Variants in GLIS3 observed in about 807,000 individuals in gnomAD.
GLIS3 encodes the protein GLIS family zinc finger 3, also known as zinc finger protein GLIS3.
In GLIS3, 53 loss-of-function variants were observed where a neutral mutation model predicts 78.6. The observed-to-expected ratio is 0.67, with a 90% CI of 0.54 to 0.85. The LOEUF (loss-of-function observed/expected upper bound fraction) is 0.85. Among genes scored for constraint, GLIS3 ranks in the 40% least tolerant of loss-of-function variants. GLIS3 has a pLI of 0.00. For synonymous variants in GLIS3, 684 were observed against 509.9 expected, an observed-to-expected ratio of 1.34 and a Z score of -4.60; for missense variants, 1,703 against 1,231.1, an observed-to-expected ratio of 1.38 and a Z score of -5.74.
At chr9:4,093,791 A>ATG (rs1156649430) in intron 4 of GLIS3, among the ~76,000 whole-genome samples, 1 of 152,112 alleles carries the variant, frequency 6.6e-6, no homozygotes, top group Non-Finnish European at 1.5e-5. Context: ...CTATATATAT[A>ATG]TTTTTAAATT....
intron 4 of GLIS3, among the ~76,000 whole-genome samples, chr9:3,937,784 T>A (rs1825977931): frequency 6.6e-6 from 1 of 152,196 alleles, no homozygotes; most frequent in African/African-American, 2.4e-5. Context: ...CCAAGGCTAA[T>A]GAGATAAAGT....
rs754093115 is a variant in GLIS3 at position 3,932,515 on chromosome 9, AG to A, written c.1873-46del. 3.5e-6 allele frequency: 5 copies of A among 1,411,548 alleles called. No homozygotes were observed. In the African/African-American group the frequency reaches 7.0e-5, roughly 20 times the overall value. The allele number at this position is 1,411,548 out of a possible 1,614,324, so 87.4% of individuals were successfully genotyped here. A position where few individuals can be genotyped will look rare whatever the true frequency, so the allele number is the denominator to read the frequency against. On this transcript the variant is annotated intron_variant, in intron 5 of 10. Coordinates refer to ENST00000381971, the MANE Select transcript of GLIS3 (RefSeq NM_001042413.2). ...AGAAACAGCTGTGGTTAAATCATAA[AG>A]GTAATTGGGGAATGTTTTACTCAAA... is the stretch of plus-strand genomic sequence containing the variant.
chr9:4,452,490 T>G, the GLIS3 span, among the ~76,000 whole-genome samples: 1 of 152,112 alleles, frequency 6.6e-6, no homozygotes, highest in African/African-American at 2.4e-5. Flanking sequence ...GGATACAAAC[T>G]CAATGTGCAG....
At chr9:4,239,826 A>G (rs1823123099) in intron 2 of GLIS3, among the ~76,000 whole-genome samples, 5 of 152,238 alleles carry the variant, frequency 3.3e-5, no homozygotes, top group Non-Finnish European at 7.3e-5. Context: ...GATTTGTATC[A>G]TCTACCACGG....
chr9:4,158,705 TAAGAC>T (rs1586835720), intron 2 of GLIS3, among the ~76,000 whole-genome samples: 1 of 152,304 alleles, frequency 6.6e-6, no homozygotes, highest in East Asian at 1.9e-4. Context: ...CAATGGTAAA[TAAGAC>T]AAGTAACATT....
chr9:4,466,274 C>A, the GLIS3 span, among the ~76,000 whole-genome samples: 4 of 152,180 alleles, frequency 2.6e-5, no homozygotes, highest in African/African-American at 9.7e-5. Flanking sequence ...AAAACTCGAA[C>A]TGCCCAATAC....
chr9:3,984,232 C>T (rs1228633567), intron 4 of GLIS3, among the ~76,000 whole-genome samples: 1 of 152,240 alleles, frequency 6.6e-6, no homozygotes, highest in Non-Finnish European at 1.5e-5. Context: ...CCACTGACAG[C>T]TTGCACTTTG....
At chr9:4,153,623 G>A (rs1172018321) in intron 2 of GLIS3, among the ~76,000 whole-genome samples, 1 of 152,088 alleles carries the variant, frequency 6.6e-6, no homozygotes, top group African/African-American at 2.4e-5. Flanking sequence ...TAAAGAAAGA[G>A]AACAGAAGTA....
chr9:4,250,545 G>C (rs909029375), intron 2 of GLIS3, among the ~76,000 whole-genome samples: 20 of 151,298 alleles, frequency 1.3e-4, no homozygotes, highest in African/African-American at 4.6e-4. Context: ...CAGTTTTGTT[G>C]ATCTTTTCAA....
At chr9:4,042,783 T>C (rs1197121900) in intron 4 of GLIS3, among the ~76,000 whole-genome samples, 3 of 152,114 alleles carry the variant, frequency 2.0e-5, no homozygotes, top group African/African-American at 7.2e-5. Flanking sequence ...ATGATTTTAG[T>C]GACAATAAAA....
the GLIS3 span, among the ~76,000 whole-genome samples, chr9:4,403,115 G>A: frequency 1.3e-5 from 2 of 152,150 alleles, no homozygotes; most frequent in African/African-American, 2.4e-5. Context: ...CAACATGTCT[G>A]GCAGCAAACT....
intron 4 of GLIS3, among the ~76,000 whole-genome samples, chr9:3,968,673 T>C (rs1023863290): frequency 1.3e-5 from 2 of 152,168 alleles, no homozygotes; most frequent in Non-Finnish European, 2.9e-5. Context: ...TAATTTAAAG[T>C]ATTATATCCA....
intron 9 of GLIS3, among the ~76,000 whole-genome samples, chr9:3,849,971 G>A (rs570802503): frequency 2.0e-5 from 3 of 152,098 alleles, no homozygotes; most frequent in African/African-American, 4.8e-5. Flanking sequence ...TTGTTGGTGC[G>A]GTTGCTGTAA....
At chr9:4,479,147 A>G in the GLIS3 span, among the ~76,000 whole-genome samples, 18 of 152,314 alleles carry the variant, frequency 1.2e-4, no homozygotes, top group African/African-American at 4.3e-4. Flanking sequence ...ACTGGTGTCA[A>G]ACTACTGGGC....
chr9:4,149,913 T>A (rs907744403), intron 2 of GLIS3, among the ~76,000 whole-genome samples: 1 of 152,262 alleles, frequency 6.6e-6, no homozygotes, highest in Admixed American at 6.5e-5. Flanking sequence ...TTATCTGCAC[T>A]TGCATATATC....
chr9:4,040,701 A>G (rs1215793254), intron 4 of GLIS3, among the ~76,000 whole-genome samples: 2 of 152,224 alleles, frequency 1.3e-5, no homozygotes, highest in African/African-American at 4.8e-5. Context: ...GTGAGTTATA[A>G]AAGATGGAGA....
At chr9:3,900,852 C>A (rs1281920607) in intron 6 of GLIS3, 3 of 152,108 alleles carry the variant, frequency 2.0e-5, no homozygotes, top group Non-Finnish European at 4.4e-5. Context: ...ACGGGCCACA[C>A]CACGGTTGAG....
At chr9:4,389,321 A>ATC in the GLIS3 span, among the ~76,000 whole-genome samples, 16 of 152,196 alleles carry the variant, frequency 1.1e-4, no homozygotes, top group Non-Finnish European at 1.6e-4. Flanking sequence ...ATTCATGAAT[A>ATC]TCTCTTCCCC....
chr9:4,314,138 T>C (rs935259195), intron 2 of GLIS3, among the ~76,000 whole-genome samples: 2 of 152,224 alleles, frequency 1.3e-5, no homozygotes, highest in Admixed American at 6.5e-5. Context: ...GGAATAGTAA[T>C]AGTACTTATC....
Sources: allele counts gnomAD v4.1 joint callset (sites outside exome capture counted in the v4.1 genomes callset), GRCh38; gene constraint gnomAD v4.1.1; transcripts MANE v1.5; gene names NCBI Gene and HGNC (gene_info 2026-07-23, HGNC 2026-07-21).